Variants in CDH23 observed in about 807,000 individuals in gnomAD.
The protein encoded by CDH23 is cadherin related 23, also known as cadherin-23.
CDH23 carries 189 observed loss-of-function variants against 317.1 expected under a neutral mutation model. The ratio of observed to expected loss-of-function variants is 0.60; its 90% CI spans 0.53 to 0.67. The LOEUF (loss-of-function observed/expected upper bound fraction) is 0.67. CDH23 is among the 30% of genes least tolerant of loss of function. The pLI is 0.00. For synonymous variants in CDH23, 1,839 were observed against 1,876.8 expected, an observed-to-expected ratio of 0.98 and a Z score of 0.52; for missense variants, 4,401 against 4,592.4, an observed-to-expected ratio of 0.96 and a Z score of 1.20.
At chr10:71,615,460 C>CTG (rs779148003) in intron 9 of CDH23, 44 bp from the exon 10 acceptor site, 4 of 1,448,432 alleles carry the variant, frequency 2.8e-6, no homozygotes, top group Non-Finnish European at 3.9e-6. Context: ...CCATGCCCCC[C>CTG]TGCCCTGTGC....
intron 48 of CDH23, 29 bp from the exon 49 acceptor site, chr10:71,797,075 G>A (rs1841423660): frequency 6.6e-7 from 1 of 1,507,520 alleles, no homozygotes; most frequent in African/African-American, 1.4e-5. Flanking sequence ...GTTCTTCTCA[G>A]GCTGAACCTG....
chr10:71,532,711 G>GTTTTTTTTTTTTTTTTTTTTTTTTTTTTT (rs531593760), intron 6 of CDH23, among the ~76,000 whole-genome samples: 5 of 128,100 alleles, frequency 3.9e-5, no homozygotes, highest in Non-Finnish European at 3.5e-5. Flanking sequence ...TTTTGTTTTT[G>GTTTTTTTTTTTTTTTTTTTTTTTTTTTTT]TTTTTTTTTT....
chr10:71,662,551 C>T (rs1417221498), intron 14 of CDH23, among the ~76,000 whole-genome samples: 1 of 152,142 alleles, frequency 6.6e-6, no homozygotes, highest in East Asian at 1.9e-4. Context: ...TTTCGCTGCA[C>T]CCCCAGGGGG....
chr10:71,586,571 C>A (rs1859078347), intron 9 of CDH23, among the ~76,000 whole-genome samples: 1 of 152,078 alleles, frequency 6.6e-6, no homozygotes. Flanking sequence ...CATGCCTTAC[C>A]TCGCCTTACC....
intron 28 of CDH23, among the ~76,000 whole-genome samples, chr10:71,720,483 C>CCAGAG (rs1028220940): frequency 4.0e-5 from 6 of 151,764 alleles, no homozygotes; most frequent in African/African-American, 1.2e-4. Flanking sequence ...TCCCCAGAAG[C>CCAGAG]CAGAGCTTCC....
intron 51 of CDH23, 24 bp downstream of exon 51, chr10:71,799,304 G>A: frequency 1.2e-6 from 2 of 1,613,986 alleles, no homozygotes; most frequent in Non-Finnish European, 1.7e-6. Flanking sequence ...CCACAGGCTG[G>A]GTCCAGGACC....
At chr10:71,586,207 G>A (rs1859051279) in intron 9 of CDH23, among the ~76,000 whole-genome samples, 1 of 152,210 alleles carries the variant, frequency 6.6e-6, no homozygotes, top group Admixed American at 6.5e-5. Flanking sequence ...TCTAGCTCAT[G>A]GCTGGAGGTT....
chr10:71,457,264 G>A (rs1233683865), intron 3 of CDH23, among the ~76,000 whole-genome samples: 2 of 152,176 alleles, frequency 1.3e-5, no homozygotes, highest in African/African-American at 2.4e-5. Flanking sequence ...AATAACAATA[G>A]TAATTATTTA....
At chr10:71,661,534 T>G (rs573796392) in intron 14 of CDH23, among the ~76,000 whole-genome samples, 2 of 152,252 alleles carry the variant, frequency 1.3e-5, no homozygotes, top group East Asian at 3.9e-4. Context: ...CAGAGTGTTT[T>G]GGATTCCTTG....
At chr10:71,672,224 T>G (rs1864178168) in intron 14 of CDH23, among the ~76,000 whole-genome samples, 1 of 151,988 alleles carries the variant, frequency 6.6e-6, no homozygotes, top group Non-Finnish European at 1.5e-5. Context: ...CAGAGCCAGG[T>G]CCTGGGAGCT....
chr10:71,675,204 C>T (rs1227269826), intron 15 of CDH23, 28 bp downstream of exon 15: 14 of 1,600,228 alleles, frequency 8.7e-6, no homozygotes, highest in Non-Finnish European at 1.2e-5. Flanking sequence ...GCCCCTCAGG[C>T]CCCTCCGCAG....
chr10:71,430,123 G>C (rs777164659), intron 1 of CDH23, among the ~76,000 whole-genome samples: 1 of 152,128 alleles, frequency 6.6e-6, no homozygotes, highest in Non-Finnish European at 1.5e-5. Flanking sequence ...TGAGGGGGTG[G>C]GTGCAGGTTT....
chr10:71,540,001 TG>T (rs1374078895), intron 6 of CDH23, among the ~76,000 whole-genome samples: 1 of 152,226 alleles, frequency 6.6e-6, no homozygotes, highest in East Asian at 1.9e-4. Context: ...CTTTCTTTGC[TG>T]CCTGGACCCT....
chr10:71,413,993 TTG>T (rs1232394364), intron 1 of CDH23, among the ~76,000 whole-genome samples: 1 of 151,918 alleles, frequency 6.6e-6, no homozygotes, highest in African/African-American at 2.4e-5. Context: ...CAACTGATTT[TTG>T]TGTGTTGATT....
rs148454805 is a variant in CDH23, at chr10:71,499,498, G to T, written c.146-10584G>T. Among the ~76,000 whole-genome samples, 515 of 152,148 alleles carry T rather than the reference G, an allele frequency of 3.4e-3. 2 individuals are homozygous for T. Among genetic ancestry groups the T allele is most frequent in the African/African-American group, 0.012 (490 of 41,496 alleles). On this transcript the variant is annotated intron_variant, in intron 3 of 69. Coordinates refer to ENST00000224721, the MANE Select transcript of CDH23 (RefSeq NM_022124.6). ...AACTGCTTGAACCCATGAGGTGGAG[G>T]TTGCAGTGAGCTGATATCATGCCAT... is the stretch of plus-strand genomic sequence containing the variant.
At chr10:71,703,717 A>C (rs1051868754) in intron 24 of CDH23, among the ~76,000 whole-genome samples, 3 of 152,046 alleles carry the variant, frequency 2.0e-5, no homozygotes, top group Non-Finnish European at 2.9e-5. Flanking sequence ...CTGTAGGAGG[A>C]GGTGAATGGT....
Position 71,485,023 on chromosome 10 carries a change from C to CT in CDH23, c.146-25040dup, listed in dbSNP as rs56153129. ...TTTTCTTTCTTTTCGTTTCTTTTTTCTTTTTTTTTTTTTTTTTTTGTGGGA... is the reference window on the plus strand; with the variant it reads ...TTTTCTTTCTTTTCGTTTCTTTTTTCTTTTTTTTTTTTTTTTTTTTGTGGGA... On this transcript the variant is annotated intron_variant, in intron 3 of 69. Coordinates refer to ENST00000224721, the MANE Select transcript of CDH23 (RefSeq NM_022124.6). 2.5e-3 allele frequency among the ~76,000 whole-genome samples: 280 copies of CT among 110,110 alleles called. 3 individuals are homozygous for CT. Among genetic ancestry groups the CT allele is most frequent in the East Asian group, 5.4e-3 (20 of 3,734 alleles). 72.2% of individuals were successfully genotyped at this position (110,110 alleles called of 152,430 possible).
intron 6 of CDH23, among the ~76,000 whole-genome samples, chr10:71,557,598 A>C (rs1324466114): frequency 2.0e-5 from 3 of 152,006 alleles, no homozygotes; most frequent in Non-Finnish European, 4.4e-5. Context: ...GTTCATGGGA[A>C]TTTTTTTCAC....
At chr10:71,696,309 G>A (rs1352406415) in intron 22 of CDH23, among the ~76,000 whole-genome samples, 1 of 152,198 alleles carries the variant, frequency 6.6e-6, no homozygotes, top group African/African-American at 2.4e-5. Context: ...CAGCCCTGTG[G>A]GGGACATGAA....
Sources: gnomAD v4.1 joint callset for allele counts (sites outside exome capture counted in the v4.1 genomes callset) on GRCh38, gnomAD v4.1.1 for gene constraint, MANE v1.5 for transcripts, NCBI Gene and HGNC (gene_info 2026-07-23, HGNC 2026-07-21) for gene names.